Variants in TUB observed in about 807,000 individuals in gnomAD.
TUB encodes the protein tubby protein homolog.
A neutral mutation model predicts 59.7 loss-of-function variants in TUB; 33 were observed. The observed-to-expected ratio is 0.55, with a 90% CI of 0.42 to 0.74. The LOEUF (loss-of-function observed/expected upper bound fraction) is 0.74, where lower values mean the gene tolerates loss of function less well. TUB is among the 30% of genes least tolerant of loss of function. The pLI is 0.00. For synonymous variants in TUB, 293 were observed against 256.4 expected (o/e 1.14, Z -1.36); for missense variants, 659 against 672.0 (o/e 0.98, Z 0.21).
At chr11:8,094,958 C>T (rs1020615320) in intron 4 of TUB, among the ~76,000 whole-genome samples, 19 of 152,296 alleles carry the variant, frequency 1.2e-4, no homozygotes, top group Non-Finnish European at 2.1e-4. Context: ...TCTGTGGTAA[C>T]GGGCAGGAAA....
intron 1 of TUB, among the ~76,000 whole-genome samples, chr11:8,033,176 C>T (rs539325465): frequency 6.6e-6 from 1 of 152,182 alleles, no homozygotes; most frequent in Non-Finnish European, 1.5e-5. Flanking sequence ...TGGGGCCCAT[C>T]GTGCCCCACT....
rs1050927710 is a variant in TUB at position 8,103,452 on chromosome 11, G to A, written c.*1833G>A. The A allele has an allele frequency of 1.3e-5, 2 of 152,400 alleles. No homozygotes were observed. Among genetic ancestry groups the A allele is most frequent in the Admixed American group, 1.3e-4 (2 of 15,280 alleles). 9.4% of individuals were successfully genotyped at this position (152,400 alleles called of 1,614,324 possible). ...GCTTTATAGGTGAAGGACTTGTTTT[G>A]ACTTAAGTAGAAGTAATATGCTCTC... is the stretch of plus-strand genomic sequence containing the variant. On this transcript the variant is annotated 3_prime_UTR_variant, in exon 12 of 12. Transcript: ENST00000299506.
chr11:8,074,529 G>A (rs1165778491), intron 2 of TUB, among the ~76,000 whole-genome samples: 1 of 152,018 alleles, frequency 6.6e-6, no homozygotes, highest in Non-Finnish European at 1.5e-5. Flanking sequence ...TTTGACTGAG[G>A]AGTCCAAGAC....
intron 1 of TUB, among the ~76,000 whole-genome samples, chr11:8,031,212 CG>C (rs979498743): frequency 6.6e-6 from 1 of 152,100 alleles, no homozygotes; most frequent in Non-Finnish European, 1.5e-5. Context: ...ACTGTGTGAA[CG>C]GGGTGGGACT....
intron 2 of TUB, chr11:8,069,399 C>T (rs1199656372): frequency 7.9e-6 from 1 of 127,134 alleles, no homozygotes; most frequent in African/African-American, 3.3e-5. Flanking sequence ...TGTATTCTTT[C>T]GGGGGGGGGG....
chr11:8,038,946 G>A, exon 1 of TUB: 1 of 1,614,012 alleles, frequency 6.2e-7, no homozygotes, highest in Non-Finnish European at 8.5e-7. Context: ...GTTCCCAGGA[G>A]GCACTCCCTG....
chr11:8,041,438 A>T (rs1942748991), intron 2 of TUB, among the ~76,000 whole-genome samples: 1 of 152,218 alleles, frequency 6.6e-6, no homozygotes. Flanking sequence ...AGTCATAATT[A>T]ATGGCAAAGT....
chr11:8,050,931 TA>T (rs1374001835), intron 2 of TUB, among the ~76,000 whole-genome samples: 1 of 152,194 alleles, frequency 6.6e-6, no homozygotes, highest in Non-Finnish European at 1.5e-5. Context: ...AAAGAAAGAC[TA>T]GTAGGACCAT....
At chr11:8,039,498 G>T in intron 1 of TUB, 1 of 626,536 alleles carries the variant, frequency 1.6e-6, no homozygotes. Flanking sequence ...CCTCTACCCT[G>T]ATCCATCACG....
At position 8,066,237 on chromosome 11, in the gene TUB, G is replaced by A. The variant is rs142593026; in HGVS notation, c.204-23373G>A. 3.9e-3 allele frequency among the ~76,000 whole-genome samples: 587 copies of A among 152,316 alleles called. 2 individuals are homozygous for A. The highest frequency in any genetic ancestry group is 0.013 in the African/African-American group (556 of 41,554). On this transcript the variant is annotated intron_variant, in intron 2 of 12. Transcript: ENST00000305253. ...AACCAACAGGTCTGCTCAGACGCTGGACATGAGGTTCCACTTGGCACACAG... is the reference window on the plus strand; with the variant it reads ...AACCAACAGGTCTGCTCAGACGCTGAACATGAGGTTCCACTTGGCACACAG...
intron 2 of TUB, among the ~76,000 whole-genome samples, chr11:8,045,268 A>G (rs1339533886): frequency 5.3e-5 from 8 of 152,294 alleles, no homozygotes; most frequent in African/African-American, 1.7e-4. Flanking sequence ...AGATGTTCCT[A>G]TCATGCAAGA....
upstream of TUB, chr11:8,035,821 C>T (rs1330245992): frequency 2.0e-5 from 3 of 152,260 alleles, no homozygotes; most frequent in East Asian, 1.9e-4. Context: ...TTCCATGTAC[C>T]CACATTCCTC....
intron 9 of TUB, among the ~76,000 whole-genome samples, chr11:8,099,602 G>GTA (rs1339350025): frequency 6.6e-6 from 1 of 152,168 alleles, no homozygotes; most frequent in East Asian, 1.9e-4. Context: ...AGACATAAAT[G>GTA]TATACCTTTA....
At chr11:8,075,738 C>G (rs903184651) in intron 2 of TUB, 2 of 151,854 alleles carry the variant, frequency 1.3e-5, no homozygotes, top group Non-Finnish European at 2.9e-5. Context: ...AATCTTGAAA[C>G]GTCAGAGTTA....
chr11:8,042,766 CT>C (rs1325481286), intron 2 of TUB, among the ~76,000 whole-genome samples: 1 of 152,156 alleles, frequency 6.6e-6, no homozygotes. Context: ...ATTCATATCT[CT>C]TATCCATTTT....
chr11:8,054,093 C>T (rs367549353), intron 2 of TUB, among the ~76,000 whole-genome samples: 6 of 151,910 alleles, frequency 3.9e-5, no homozygotes, highest in Middle Eastern at 3.4e-3. Flanking sequence ...CCAGCCGGGG[C>T]GACAGAGCGA....
chr11:8,072,059 G>A (rs1943369479), intron 2 of TUB, among the ~76,000 whole-genome samples: 2 of 152,224 alleles, frequency 1.3e-5, no homozygotes, highest in African/African-American at 2.4e-5. Context: ...CTGCAGCAGC[G>A]GAGAGGGTGG....
At chr11:8,049,578 T>TATATATATATATATATAGATAG (rs1055522231) in intron 2 of TUB, among the ~76,000 whole-genome samples, 85 of 85,908 alleles carry the variant, frequency 9.9e-4, no homozygotes, top group Admixed American at 2.5e-3. Context: ...TATATATATA[T>TATATATATATATATATAGATAG]ATAGATAGAT....
intron 1 of TUB, among the ~76,000 whole-genome samples, chr11:8,088,465 CCCA>C (rs1943709789): frequency 6.6e-6 from 1 of 152,238 alleles, no homozygotes; most frequent in African/African-American, 2.4e-5. Flanking sequence ...CACGAGCACA[CCCA>C]CTTCTTCACA....
Sources: allele counts gnomAD v4.1 joint callset (sites outside exome capture counted in the v4.1 genomes callset), GRCh38; gene constraint gnomAD v4.1.1; transcripts MANE v1.5; gene names NCBI Gene and HGNC (gene_info 2026-07-23, HGNC 2026-07-21).